TTC7B: variants seen among roughly 807,000 people sequenced by gnomAD.
TTC7B encodes the protein tetratricopeptide repeat protein 7B.
A neutral mutation model predicts 106.8 loss-of-function variants in TTC7B; 28 were observed. The ratio of observed to expected loss-of-function variants is 0.26; its 90% CI spans 0.19 to 0.36. The LOEUF (loss-of-function observed/expected upper bound fraction) is 0.36. Ranked by LOEUF, TTC7B falls within the 10% of genes least tolerant of loss-of-function variation. The probability of loss-of-function intolerance (pLI) is 1.00; values close to 1 mark genes in which losing one functional copy is unlikely to be tolerated. For synonymous variants in TTC7B, 405 were observed against 430.6 expected (o/e 0.94, Z 0.74); for missense variants, 862 against 1,076.4 (o/e 0.80, Z 2.79).
chr14:90,638,002 C>T (rs895435497), intron 15 of TTC7B, among the ~76,000 whole-genome samples: 1 of 151,900 alleles, frequency 6.6e-6, no homozygotes, highest in Non-Finnish European at 1.5e-5. Context: ...CCACGTCAGC[C>T]TTCTGAGTGG....
chr14:90,778,630 G>A (rs2140033627), intron 3 of TTC7B, among the ~76,000 whole-genome samples: 1 of 152,294 alleles, frequency 6.6e-6, no homozygotes, highest in East Asian at 1.9e-4. Flanking sequence ...ACGTGAGGTA[G>A]CTGGGTGAAC....
chr14:90,680,503 G>C lies in TTC7B; in HGVS notation c.983C>G (p.Ala328Gly). 1 of 1,613,866 alleles carries C rather than the reference G, an allele frequency of 6.2e-7. No homozygotes were observed. Among genetic ancestry groups the C allele is most frequent in the Non-Finnish European group, 8.5e-7 (1 of 1,179,892 alleles). ...TTCACTAATCAGCAATAACAACAGGGCTTCTTCCGTATTTTCTTGAGGACA... is the reference window on the plus strand; with the variant it reads ...TTCACTAATCAGCAATAACAACAGGCCTTCTTCCGTATTTTCTTGAGGACA... Reference protein sequence around the residue: ...IFCPQENTEEALLLLLISESM... With the variant: ...IFCPQENTEEGLLLLLISESM... The change falls in exon 8 of 20, where the codon GCC (alanine) becomes GGC (glycine). Residue 328 changes from alanine to glycine, a missense_variant. Coordinates refer to ENST00000328459, the MANE Select transcript of TTC7B (RefSeq NM_001010854.2).
At chr14:90,781,041 G>C in intron 2 of TTC7B, 135 bp from the exon 3 acceptor site, 1 of 757,766 alleles carries the variant, frequency 1.3e-6, no homozygotes, top group East Asian at 2.6e-5. Context: ...GTTCTGAGCA[G>C]TGTTATCCAC....
chr14:90,573,489 G>A (rs1370885318), intron 19 of TTC7B, among the ~76,000 whole-genome samples: 6 of 126,830 alleles, frequency 4.7e-5, no homozygotes, highest in Admixed American at 7.7e-5. Context: ...TCCGCCTCAC[G>A]GTCCCTCTCA....
intron 5 of TTC7B, among the ~76,000 whole-genome samples, chr14:90,726,170 C>T (rs1054701187): frequency 2.6e-5 from 4 of 152,150 alleles, no homozygotes; most frequent in African/African-American, 7.2e-5. Context: ...GCAATTCTGG[C>T]GGCAATGACT....
chr14:90,673,712 G>C (rs977860036), intron 9 of TTC7B, among the ~76,000 whole-genome samples: 2 of 152,100 alleles, frequency 1.3e-5, no homozygotes, highest in African/African-American at 4.8e-5. Context: ...GCTAATGAAT[G>C]GAAAAACAAA....
intron 4 of TTC7B, among the ~76,000 whole-genome samples, chr14:90,740,583 C>T (rs536037240): frequency 7.3e-5 from 10 of 136,192 alleles, no homozygotes; most frequent in African/African-American, 1.9e-4. Context: ...CTCACTGCAA[C>T]GTCCACCTCC....
chr14:90,543,679 G>A lies in TTC7B; in HGVS notation c.2311-2090C>T, dbSNP rs192361709. On this transcript the variant is annotated intron_variant, in intron 19 of 19. Coordinates refer to ENST00000328459, the MANE Select transcript of TTC7B (RefSeq NM_001010854.2). ...AAATTGCACTTGCATTACCTCTCTT[G>A]GAGAGTGTGGAGAAGCCTGACATCT... 4.6e-5 allele frequency among the ~76,000 whole-genome samples: 7 copies of A among 152,340 alleles called. No individual in the cohort carries two copies. The East Asian group carries it at 1.3e-3, about 29-fold the overall frequency.
chr14:90,556,090 G>A (rs990145612), intron 19 of TTC7B, among the ~76,000 whole-genome samples: 3 of 152,262 alleles, frequency 2.0e-5, no homozygotes, highest in African/African-American at 7.2e-5. Context: ...AATTGAAAGT[G>A]TCAGGCCAGC....
rs147534894 is a variant in TTC7B at position 90,742,227 on chromosome 14, G to A, written c.576+2565C>T. On this transcript the variant is annotated intron_variant, in intron 4 of 19. Coordinates refer to ENST00000328459, the MANE Select transcript of TTC7B (RefSeq NM_001010854.2). The surrounding 1 kb of genome is among the most constrained non-coding windows in gnomAD (Gnocchi z 4.1). ...AGCTAGTTTCGTTTCATTTCGTTTC[G>A]TTCGCTTCTTTCTTTCTTCCTTTCT... Among the ~76,000 whole-genome samples, 38 of 151,756 alleles carry A rather than the reference G, an allele frequency of 2.5e-4. 1 individual carries two copies. The East Asian group carries it at 5.2e-3, about 21-fold the overall frequency.
chr14:90,703,768 T>C (rs1387381458), intron 5 of TTC7B, among the ~76,000 whole-genome samples: 1 of 152,230 alleles, frequency 6.6e-6, no homozygotes, highest in Admixed American at 6.5e-5. Context: ...TGCCATTAAA[T>C]TGGTAAATAA....
At chr14:90,630,369 C>T (rs769659603) in intron 15 of TTC7B, among the ~76,000 whole-genome samples, 5 of 152,116 alleles carry the variant, frequency 3.3e-5, no homozygotes, top group Non-Finnish European at 7.4e-5. Context: ...GATGCAGAGC[C>T]GGAGAATCTC....
chr14:90,725,916 G>A (rs1165776510), intron 5 of TTC7B, among the ~76,000 whole-genome samples: 1 of 152,230 alleles, frequency 6.6e-6, no homozygotes, highest in Non-Finnish European at 1.5e-5. Context: ...CAAAAGATGG[G>A]TAAATATTCC....
At chr14:90,794,207 A>ATTT (rs1281204020) in intron 1 of TTC7B, among the ~76,000 whole-genome samples, 1 of 130,616 alleles carries the variant, frequency 7.7e-6, no homozygotes, top group African/African-American at 3.4e-5. Context: ...CTGGCTGGGT[A>ATTT]TTTCTTTTTT....
intron 4 of TTC7B, among the ~76,000 whole-genome samples, chr14:90,743,588 G>C (rs1889849842): frequency 6.6e-6 from 1 of 152,120 alleles, no homozygotes; most frequent in African/African-American, 2.4e-5. Context: ...CAGTGTCCTT[G>C]GTGAGAACTC....
chr14:90,697,533 T>C (rs190851881), intron 5 of TTC7B: 4 of 152,336 alleles, frequency 2.6e-5, no homozygotes, highest in Admixed American at 1.3e-4. Context: ...ATCATTAATA[T>C]GCAAATTACT....
At chr14:90,566,327 A>G (rs2092864) in intron 19 of TTC7B, among the ~76,000 whole-genome samples, 50,644 of 151,784 alleles carry the variant, frequency 0.33, 9,899 homozygotes, top group Admixed American at 0.44. Flanking sequence ...ATGGGGAACA[A>G]AAGTGAAACT....
intron 4 of TTC7B, among the ~76,000 whole-genome samples, chr14:90,732,929 A>T (rs1889379944): frequency 6.6e-6 from 1 of 152,030 alleles, no homozygotes; most frequent in Non-Finnish European, 1.5e-5. Flanking sequence ...AGTCTGCCCT[A>T]TTCGCCTGCC....
chr14:90,702,935 C>T (rs1888053162), intron 5 of TTC7B, among the ~76,000 whole-genome samples: 1 of 152,186 alleles, frequency 6.6e-6, no homozygotes, highest in Non-Finnish European at 1.5e-5. Flanking sequence ...CCTGACTGCT[C>T]CATCACACTT....
Sources: allele counts gnomAD v4.1 joint callset (sites outside exome capture counted in the v4.1 genomes callset), GRCh38; gene constraint gnomAD v4.1.1; non-coding constraint Gnocchi (gnomAD v3.1); transcripts MANE v1.5; gene names NCBI Gene and HGNC (gene_info 2026-07-23, HGNC 2026-07-21).